PTPRD: variants seen among roughly 807,000 people sequenced by gnomAD.
PTPRD encodes the protein receptor-type tyrosine-protein phosphatase delta.
Under a neutral mutation model 214.5 loss-of-function variants are expected in PTPRD, and 34 were observed. That is an observed-to-expected ratio of 0.16 (90% CI 0.12 to 0.21). The LOEUF (loss-of-function observed/expected upper bound fraction) is 0.21. Ranked by LOEUF, PTPRD falls within the 10% of genes least tolerant of loss-of-function variation. PTPRD has a pLI of 1.00. For missense variants in PTPRD, 2,545 were observed against 2,398.7 expected (o/e 1.06, Z -1.27); for synonymous variants, 1,128 against 845.7 (o/e 1.33, Z -5.79).
At chr9:8,800,734 T>C (rs2096554418) in intron 11 of PTPRD, among the ~76,000 whole-genome samples, 1 of 152,198 alleles carries the variant, frequency 6.6e-6, no homozygotes. Context: ...TTCACTCTCC[T>C]AATAAACTCA....
At chr9:10,341,973 TTAAAA>T (rs779879607) in intron 2 of PTPRD, among the ~76,000 whole-genome samples, 4 of 152,160 alleles carry the variant, frequency 2.6e-5, no homozygotes, top group Non-Finnish European at 5.9e-5. Context: ...TTTGAAGCTG[TTAAAA>T]TAAAGTCAAA....
intron 12 of PTPRD, among the ~76,000 whole-genome samples, chr9:8,639,706 G>A (rs1269167122): frequency 6.6e-6 from 1 of 152,170 alleles, no homozygotes; most frequent in Non-Finnish European, 1.5e-5. Context: ...GGATGCTTGG[G>A]TAAGTGCTTC....
At chr9:10,083,778 C>T (rs558986762) in intron 3 of PTPRD, among the ~76,000 whole-genome samples, 1 of 152,030 alleles carries the variant, frequency 6.6e-6, no homozygotes, top group Non-Finnish European at 1.5e-5. Flanking sequence ...GAGCACGCGA[C>T]CTAGATCCCT....
At chr9:9,650,909 A>T (rs1382153365) in intron 7 of PTPRD, among the ~76,000 whole-genome samples, 1 of 152,126 alleles carries the variant, frequency 6.6e-6, no homozygotes, top group Non-Finnish European at 1.5e-5. Flanking sequence ...TTACATTTAT[A>T]AATTAAGTAT....
At chr9:10,237,569 G>C (rs1025738344) in intron 3 of PTPRD, among the ~76,000 whole-genome samples, 2 of 151,864 alleles carry the variant, frequency 1.3e-5, no homozygotes, top group African/African-American at 4.8e-5. Flanking sequence ...CTACTCAAAA[G>C]ACACATGACA....
At chr9:9,017,445 T>C (rs1001592342) in intron 11 of PTPRD, among the ~76,000 whole-genome samples, 1 of 152,162 alleles carries the variant, frequency 6.6e-6, no homozygotes, top group Non-Finnish European at 1.5e-5. Flanking sequence ...GCTTTGTGTC[T>C]TTGAACGCCG....
intron 7 of PTPRD, among the ~76,000 whole-genome samples, chr9:9,632,446 T>C (rs1407717342): frequency 2.0e-5 from 3 of 152,156 alleles, no homozygotes; most frequent in Non-Finnish European, 1.5e-5. Flanking sequence ...GTTGTTTTTG[T>C]AGGGAAGGAG....
chr9:8,413,631 T>C (rs538867172), intron 35 of PTPRD, among the ~76,000 whole-genome samples: 22 of 152,248 alleles, frequency 1.4e-4, no homozygotes, highest in Non-Finnish European at 2.4e-4. Flanking sequence ...CAATACACCA[T>C]ACTAAATATA....
intron 7 of PTPRD, among the ~76,000 whole-genome samples, chr9:9,623,340 T>C (rs1327428633): frequency 1.3e-5 from 2 of 152,200 alleles, no homozygotes; most frequent in Non-Finnish European, 1.5e-5. Context: ...CAATTATCAC[T>C]TTACTAACAT....
intron 3 of PTPRD, among the ~76,000 whole-genome samples, chr9:10,049,232 G>A (rs537973485): frequency 2.0e-5 from 3 of 152,012 alleles, no homozygotes; most frequent in South Asian, 4.2e-4. Context: ...ATCATCTAGC[G>A]CAGCCTCCTC....
chr9:8,904,667 TAAAAA>T (rs5896276), intron 11 of PTPRD, among the ~76,000 whole-genome samples: 1 of 128,928 alleles, frequency 7.8e-6, no homozygotes, highest in Non-Finnish European at 1.7e-5. Flanking sequence ...GGGAGACTCT[TAAAAA>T]AAAAAAAAAA....
At chr9:10,194,921 A>T (rs1159958634) in intron 3 of PTPRD, among the ~76,000 whole-genome samples, 1 of 151,312 alleles carries the variant, frequency 6.6e-6, no homozygotes, top group Non-Finnish European at 1.5e-5. Context: ...GAAGAAAAAA[A>T]TAACAAGGAT....
intron 35 of PTPRD, among the ~76,000 whole-genome samples, chr9:8,424,362 T>G (rs981081489): frequency 6.6e-6 from 1 of 152,164 alleles, no homozygotes; most frequent in African/African-American, 2.4e-5. Flanking sequence ...TATCCTAGCT[T>G]TGCCATTTAC....
chr9:9,983,108 A>G (rs2095599998), intron 4 of PTPRD, among the ~76,000 whole-genome samples: 1 of 152,158 alleles, frequency 6.6e-6, no homozygotes, highest in Non-Finnish European at 1.5e-5. Flanking sequence ...TCGCTAGGGT[A>G]CAGATAGGTG....
In PTPRD at chr9:10,309,473, C is replaced by G. The variant is rs551742130; in HGVS notation, c.-545+31490G>C. Among the ~76,000 whole-genome samples the G allele has an allele frequency of 2.4e-4, 37 of 151,944 alleles. No individual in the cohort carries two copies. The South Asian group carries it at 4.6e-3, about 19-fold the overall frequency. ...GTTCAATCGATTCTCCTGCCTCAGC[C>G]TCCTGAGTAGCTCGGACTACAGGCA... is the stretch of plus-strand genomic sequence containing the variant. On this transcript the variant is annotated intron_variant, in intron 3 of 45. Transcript: ENST00000381196.
chr9:9,099,526 T>A (rs1053078866), intron 10 of PTPRD, among the ~76,000 whole-genome samples: 2 of 152,198 alleles, frequency 1.3e-5, no homozygotes, highest in African/African-American at 2.4e-5. Flanking sequence ...AGTAACATCA[T>A]CTTCTTCAGT....
intron 4 of PTPRD, among the ~76,000 whole-genome samples, chr9:9,992,714 A>C (rs2095985746): frequency 6.6e-6 from 1 of 151,906 alleles, no homozygotes; most frequent in Non-Finnish European, 1.5e-5. Context: ...AAAACCAAAC[A>C]CTGCACGTTC....
At position 9,461,252 on chromosome 9, in the gene PTPRD, C is replaced by T. The variant is rs149807545; in HGVS notation, c.-236-63770G>A. Among the ~76,000 whole-genome samples, 661 of 152,008 alleles carry T rather than the reference C, an allele frequency of 4.3e-3. 1 individual carries two copies. Among genetic ancestry groups the T allele is most frequent in the African/African-American group, 0.014 (591 of 41,500 alleles). On this transcript the variant is annotated intron_variant, in intron 8 of 45. Transcript: ENST00000381196. ...GTTCACTATTTAGGTGATATGTTCA[C>T]TAGAAGCCCAAACCCCAGCATTACA...
chr9:10,147,880 A>G (rs1361098018), intron 3 of PTPRD, among the ~76,000 whole-genome samples: 1 of 146,730 alleles, frequency 6.8e-6, no homozygotes, highest in East Asian at 1.9e-4. Flanking sequence ...ACTTCATCTC[A>G]AAATAAATAA....
Sources: gnomAD v4.1 joint callset for allele counts (sites outside exome capture counted in the v4.1 genomes callset) on GRCh38, gnomAD v4.1.1 for gene constraint, MANE v1.5 for transcripts, NCBI Gene and HGNC (gene_info 2026-07-23, HGNC 2026-07-21) for gene names.